MMP28: variants seen among roughly 807,000 people sequenced by gnomAD.
The protein encoded by MMP28 is matrix metallopeptidase 28.
Under a neutral mutation model 60.5 loss-of-function variants are expected in MMP28, and 55 were observed. The ratio of observed to expected loss-of-function variants is 0.91; its 90% CI spans 0.73 to 1.14. The LOEUF is 1.14. Ranked by LOEUF, MMP28 falls within the 50% of genes most tolerant of loss-of-function variation. The pLI, the probability that MMP28 is intolerant of heterozygous loss-of-function variation, is 0.00. For missense variants in MMP28, 686 were observed against 738.3 expected (o/e 0.93, Z 0.82); for synonymous variants, 318 against 312.5 (o/e 1.02, Z -0.18).
At chr17:35,763,905 T>A (rs2085876649), downstream of MMP28, 1 of 790,446 alleles carries the variant, frequency 1.3e-6, no homozygotes, top group Non-Finnish European at 1.7e-6. Context: ...TCAAAATAAA[T>A]AAATAAATAA....
rs1310431504 is a variant in MMP28 at position 35,784,770 on chromosome 17, G to T, written c.112-5447C>A. On this transcript the variant is annotated intron_variant, in intron 1 of 7. Coordinates refer to ENST00000605424, the MANE Select transcript of MMP28 (RefSeq NM_024302.5). ...CATTGTCCTGGGGGCTTGTTCAATG[G>T]TTCTCTTAAGGACTCTCTGAGTTCT... Among the ~76,000 whole-genome samples, 4 of 152,086 alleles carry T rather than the reference G, an allele frequency of 2.6e-5. No homozygotes were observed. The East Asian group carries it at 7.7e-4, about 29-fold the overall frequency.
At chr17:35,760,921 C>T (rs1555601378), downstream of MMP28, 12 of 1,613,688 alleles carry the variant, frequency 7.4e-6, no homozygotes, top group Non-Finnish European at 1.0e-5. Context: ...TCAGGGAAAG[C>T]AGGGCACAGC....
intron 4 of MMP28, among the ~76,000 whole-genome samples, chr17:35,772,937 CTT>C (rs112987065): frequency 3.9e-5 from 6 of 152,340 alleles, no homozygotes; most frequent in African/African-American, 1.4e-4. Flanking sequence ...GCATAATACT[CTT>C]GAGAATTTGC....
chr17:35,783,915 G>A (rs2086576417), intron 1 of MMP28, among the ~76,000 whole-genome samples: 1 of 152,034 alleles, frequency 6.6e-6, no homozygotes, highest in African/African-American at 2.4e-5. Flanking sequence ...CATGTGCCCG[G>A]GACACGAGCC....
chr17:35,758,619 G>A (rs1035460145), intron 2 of MMP28, among the ~76,000 whole-genome samples: 1 of 152,038 alleles, frequency 6.6e-6, no homozygotes, highest in Non-Finnish European at 1.5e-5. Context: ...TTGAATCCGG[G>A]GGGCAGAGGT....
chr17:35,778,541 A>C (rs1031670656), intron 3 of MMP28: 3 of 383,910 alleles, frequency 7.8e-6, no homozygotes, highest in African/African-American at 6.1e-5. Context: ...ACTTATGAAA[A>C]AGAATGAATT....
intron 3 of MMP28, among the ~76,000 whole-genome samples, chr17:35,776,473 G>A (rs1216234637): frequency 6.6e-6 from 1 of 152,148 alleles, no homozygotes; most frequent in Non-Finnish European, 1.5e-5. Context: ...ACTGTGCCCA[G>A]CTGCCAGATA....
rs201822856 is a variant in MMP28, at chr17:35,773,292, G to A, written c.492C>T (p.Asn164=). The change falls in exon 4 of 8, where the codon AAC becomes AAT. Residue 164 remains asparagine, a synonymous_variant. Coordinates refer to ENST00000605424, the MANE Select transcript of MMP28 (RefSeq NM_024302.5). ...AVRAAFQLWS[N]VSALEFWEAP... Reference sequence around the variant, plus strand: ...CCTCCCAGAACTCCAGCGCTGAGACGTTGCTCCACAACTGGAAGGCGGCGC... The same window carrying A: ...CCTCCCAGAACTCCAGCGCTGAGACATTGCTCCACAACTGGAAGGCGGCGC... 82 of 1,613,824 alleles carry A rather than the reference G, an allele frequency of 5.1e-5. No individual in the cohort carries two copies. The highest frequency in any genetic ancestry group is 2.5e-4 in the Admixed American group (15 of 60,002).
intron 2 of MMP28, among the ~76,000 whole-genome samples, chr17:35,760,538 G>T (rs901736622): frequency 1.6e-4 from 24 of 152,324 alleles, no homozygotes; most frequent in African/African-American, 4.8e-4. Context: ...TGCTTTCAGT[G>T]CTTCCCATAG....
At chr17:35,770,714 A>ATGTGTG (rs56074641) in intron 4 of MMP28, among the ~76,000 whole-genome samples, 1,729 of 147,632 alleles carry the variant, frequency 0.012, 20 homozygotes, top group African/African-American at 0.025. Flanking sequence ...TGAATAATAA[A>ATGTGTG]TGTGTGTGTG....
In MMP28 at chr17:35,768,249, G is replaced by A. The variant is rs1555604239; in HGVS notation, c.981C>T (p.Ser327=). ...TCTTACCTACAGTGATGGCATCGAA[G>A]GAAGAGTGGCAGTATTTAGGGCCCT... ...ETQGPKYCHS[S]FDAITVDRQQ... The change falls in exon 6 of 8, where the codon TCC becomes TCT. Residue 327 remains serine, a synonymous_variant. Coordinates refer to ENST00000605424, the MANE Select transcript of MMP28 (RefSeq NM_024302.5). 6.2e-7 allele frequency: 1 copy of A among 1,608,770 alleles called. No individual in the cohort carries two copies.
At chr17:35,786,655 G>A (rs1302504428) in intron 1 of MMP28, among the ~76,000 whole-genome samples, 1 of 143,876 alleles carries the variant, frequency 7.0e-6, no homozygotes, top group African/African-American at 2.8e-5. Context: ...GATTTCTTGA[G>A]GCCAGGATTT....
intron 3 of MMP28, among the ~76,000 whole-genome samples, chr17:35,777,761 A>T (rs1402360773): frequency 1.3e-5 from 2 of 152,254 alleles, no homozygotes; most frequent in Non-Finnish European, 1.5e-5. Context: ...AATATTATGC[A>T]CGGTAGGCCA....
At chr17:35,763,167 T>C (rs587652659), downstream of MMP28, among the ~76,000 whole-genome samples, 6 of 150,710 alleles carry the variant, frequency 4.0e-5, no homozygotes, top group African/African-American at 9.7e-5. Flanking sequence ...GGGAGGCGGC[T>C]CGTGGCTGTG....
downstream of MMP28, among the ~76,000 whole-genome samples, chr17:35,762,275 C>A (rs587615162): frequency 6.5e-4 from 99 of 152,296 alleles, no homozygotes; most frequent in African/African-American, 2.3e-3. Flanking sequence ...CAGGCATGAG[C>A]CACCGTGCCC....
At chr17:35,775,230 G>T (rs146580930) in intron 3 of MMP28, among the ~76,000 whole-genome samples, 2 of 152,312 alleles carry the variant, frequency 1.3e-5, no homozygotes, top group East Asian at 3.9e-4. Context: ...AGGGGAGGGG[G>T]TGTCGCTGGT....
intron 5 of MMP28, among the ~76,000 whole-genome samples, chr17:35,769,619 T>A (rs2086055345): frequency 6.6e-6 from 1 of 151,924 alleles, no homozygotes; most frequent in South Asian, 2.1e-4. Context: ...ATAGGGGGCA[T>A]CAGCATCGTG....
intron 1 of MMP28, among the ~76,000 whole-genome samples, chr17:35,782,876 G>C (rs1173770298): frequency 6.6e-6 from 1 of 152,058 alleles, no homozygotes; most frequent in East Asian, 1.9e-4. Flanking sequence ...ACCCAGGCTG[G>C]AGTGCAGTGG....
intron 1 of MMP28, among the ~76,000 whole-genome samples, chr17:35,779,895 A>T (rs2143449825): frequency 6.6e-6 from 1 of 152,250 alleles, no homozygotes; most frequent in Middle Eastern, 3.4e-3. Flanking sequence ...GTGCATATAC[A>T]CTATTCATAT....
Sources: allele counts gnomAD v4.1 joint callset (sites outside exome capture counted in the v4.1 genomes callset), GRCh38; gene constraint gnomAD v4.1.1; transcripts MANE v1.5; gene names NCBI Gene and HGNC (gene_info 2026-07-23, HGNC 2026-07-21).